The following FARS2 variants were observed in gnomAD, a reference collection of about 807,000 sequenced individuals.
The protein encoded by FARS2 is phenylalanyl-tRNA synthetase 2, mitochondrial.
Under a neutral mutation model 46.4 loss-of-function variants are expected in FARS2, and 40 were observed. The observed-to-expected ratio is 0.86, with a 90% CI of 0.67 to 1.12. FARS2 has a LOEUF of 1.12. Ranked by LOEUF, FARS2 falls within the 50% of genes most tolerant of loss-of-function variation. The pLI, the probability that FARS2 is intolerant of heterozygous loss-of-function variation, is 0.00. For synonymous variants in FARS2, 234 were observed against 214.9 expected (o/e 1.09, Z -0.78); for missense variants, 513 against 567.9 (o/e 0.90, Z 0.98).
intron 4 of FARS2, among the ~76,000 whole-genome samples, chr6:5,460,363 T>C (rs2150298188): frequency 6.6e-6 from 1 of 152,276 alleles, no homozygotes; most frequent in East Asian, 1.9e-4. Context: ...TGTCTTCCTG[T>C]GTATTATGTT....
intron 5 of FARS2, among the ~76,000 whole-genome samples, chr6:5,571,018 G>A (rs151184183): frequency 1.1e-4 from 16 of 152,214 alleles, no homozygotes; most frequent in African/African-American, 3.1e-4. Flanking sequence ...TGACTGTTTC[G>A]TTTTCAAATT....
In FARS2 at chr6:5,765,678, T is replaced by TC. The variant is rs1331962506; in HGVS notation, c.1218-5612dup. On this transcript the variant is annotated intron_variant, in intron 6 of 6. Coordinates refer to ENST00000274680, the MANE Select transcript of FARS2 (RefSeq NM_006567.5). The surrounding 1 kb of genome is among the most constrained non-coding windows in gnomAD (Gnocchi z 4.0). ...CACGTGGGGTGCGGTGTGGCTGACT[T>TC]CATCGCCAAGCAAGTACCAGCCCCT... is the stretch of plus-strand genomic sequence containing the variant. Among the ~76,000 whole-genome samples the TC allele has an allele frequency of 6.6e-6, 1 of 152,066 alleles. No homozygotes were observed. Among genetic ancestry groups the TC allele is most frequent in the East Asian group, 1.9e-4 (1 of 5,190 alleles).
chr6:5,296,308 A>AT (rs1267609534), intron 1 of FARS2, among the ~76,000 whole-genome samples: 1 of 151,390 alleles, frequency 6.6e-6, no homozygotes, highest in Non-Finnish European at 1.5e-5. Flanking sequence ...CGCCCAGCTA[A>AT]TTTTTTGTAT....
In FARS2 at chr6:5,448,373, A is replaced by T. The variant is rs1764293438; in HGVS notation, c.904+17201A>T. Among the ~76,000 whole-genome samples the T allele has an allele frequency of 2.0e-5, 3 of 152,014 alleles. No homozygotes were observed. The South Asian group carries it at 6.2e-4, about 32-fold the overall frequency. On this transcript the variant is annotated intron_variant, in intron 4 of 6. Transcript: ENST00000274680. ...GTACACTCTCCCTCCCACTGCTTTC[A>T]TGTCTGTTTTTCTGTATCCTTTAAG...
chr6:5,713,247 G>A (rs931257447), intron 6 of FARS2, among the ~76,000 whole-genome samples: 9 of 152,202 alleles, frequency 5.9e-5, no homozygotes, highest in African/African-American at 1.2e-4. Context: ...AGGTGGTAGC[G>A]TTTTGGTTGT....
chr6:5,658,164 G>A (rs998071976), intron 6 of FARS2, among the ~76,000 whole-genome samples: 2 of 151,916 alleles, frequency 1.3e-5, no homozygotes, highest in Non-Finnish European at 2.9e-5. Context: ...GCTGAGGCAG[G>A]AGAATTGCTT....
intron 5 of FARS2, among the ~76,000 whole-genome samples, chr6:5,603,469 G>A (rs543241101): frequency 7.2e-5 from 11 of 152,336 alleles, no homozygotes; most frequent in South Asian, 6.2e-4. Context: ...CACAGCCAGC[G>A]TGGCTTCAAC....
chr6:5,726,151 C>G (rs7738292), intron 6 of FARS2, among the ~76,000 whole-genome samples: 7,009 of 151,992 alleles, frequency 0.046, 394 homozygotes, highest in African/African-American at 0.13. Flanking sequence ...AAACCTGGCT[C>G]TTTTTTTCTT....
intron 4 of FARS2, among the ~76,000 whole-genome samples, chr6:5,508,028 T>A (rs1418283147): frequency 6.6e-6 from 1 of 152,196 alleles, no homozygotes; most frequent in African/African-American, 2.4e-5. Flanking sequence ...GGCATGAAGT[T>A]TTATTAAAGC....
chr6:5,742,668 C>T (rs538802118), intron 6 of FARS2, among the ~76,000 whole-genome samples: 45 of 152,054 alleles, frequency 3.0e-4, no homozygotes, highest in African/African-American at 1.1e-3. Flanking sequence ...GCCACTTCCA[C>T]TCTTCTGCTT....
intron 6 of FARS2, among the ~76,000 whole-genome samples, chr6:5,639,390 G>T (rs985118970): frequency 6.6e-6 from 1 of 152,184 alleles, no homozygotes; most frequent in African/African-American, 2.4e-5. Context: ...TTTGAAATTT[G>T]CATATGAAAT....
At chr6:5,712,539 G>A (rs1458164786) in intron 6 of FARS2, among the ~76,000 whole-genome samples, 1 of 152,210 alleles carries the variant, frequency 6.6e-6, no homozygotes, top group Non-Finnish European at 1.5e-5. Context: ...CATCTCCTCA[G>A]CAACTCGGAA....
At position 5,345,200 on chromosome 6, in the gene FARS2, TAA is replaced by T. The variant is rs11437782; in HGVS notation, c.-21-23341_-21-23340del. Among the ~76,000 whole-genome samples, 11 of 148,836 alleles carry T rather than the reference TAA, an allele frequency of 7.4e-5. No individual in the cohort carries two copies. In the South Asian group the frequency reaches 2.4e-3, roughly 32 times the overall value. On this transcript the variant is annotated intron_variant, in intron 1 of 6. Transcript: ENST00000274680. ...GGCGACTAAAGAAATAATAGTATAA[TAA>T]AAAAAAAACGCCATTATAATTATTT...
At chr6:5,583,792 C>T (rs190057519) in intron 5 of FARS2, among the ~76,000 whole-genome samples, 107 of 152,268 alleles carry the variant, frequency 7.0e-4, no homozygotes, top group African/African-American at 2.1e-3. Context: ...TGGTTCATAT[C>T]GTTCCTGAAT....
intron 4 of FARS2, among the ~76,000 whole-genome samples, chr6:5,460,591 G>A (rs80339568): frequency 0.025 from 3,753 of 152,208 alleles, 146 homozygotes; most frequent in African/African-American, 0.085. Context: ...TCAGGAGGCC[G>A]CCTCTGTGAC....
intron 5 of FARS2, among the ~76,000 whole-genome samples, chr6:5,597,530 G>A (rs960743949): frequency 1.3e-5 from 2 of 152,204 alleles, no homozygotes; most frequent in African/African-American, 4.8e-5. Flanking sequence ...GAGTTCTGCA[G>A]GCCACCGCCT....
chr6:5,454,507 G>C (rs537635261), intron 4 of FARS2, among the ~76,000 whole-genome samples: 8 of 151,870 alleles, frequency 5.3e-5, no homozygotes, highest in Non-Finnish European at 8.8e-5. Flanking sequence ...ACCATGCCCG[G>C]CTAATTTTTT....
At chr6:5,419,662 G>T (rs569811179) in intron 3 of FARS2, among the ~76,000 whole-genome samples, 1 of 152,284 alleles carries the variant, frequency 6.6e-6, no homozygotes, top group Admixed American at 6.5e-5. Context: ...GCTGATCCTA[G>T]GCCTATGGCT....
intron 4 of FARS2, 54 bp downstream of exon 4, chr6:5,431,226 C>T (rs1382083613): frequency 6.3e-7 from 1 of 1,585,648 alleles, no homozygotes; most frequent in African/African-American, 1.3e-5. Context: ...ACCCTCCCTT[C>T]TCAGGCAGCC....
Sources: gnomAD v4.1 joint callset for allele counts (sites outside exome capture counted in the v4.1 genomes callset) on GRCh38, gnomAD v4.1.1 for gene constraint, Gnocchi (gnomAD v3.1) non-coding constraint, MANE v1.5 for transcripts, NCBI Gene and HGNC (gene_info 2026-07-23, HGNC 2026-07-21) for gene names.